Variants in AMOTL1 observed in about 807,000 individuals in gnomAD.
AMOTL1 encodes angiomotin like 1.
Under a neutral mutation model 102.9 loss-of-function variants are expected in AMOTL1, and 45 were observed. The ratio of observed to expected loss-of-function variants is 0.44; its 90% CI spans 0.34 to 0.56. The LOEUF is 0.56. AMOTL1 is among the 20% of genes least tolerant of loss of function. The pLI, the probability that AMOTL1 is intolerant of heterozygous loss-of-function variation, is 0.01. For synonymous variants in AMOTL1, 481 were observed against 484.7 expected, an observed-to-expected ratio of 0.99 and a Z score of 0.10; for missense variants, 1,114 against 1,225.6, an observed-to-expected ratio of 0.91 and a Z score of 1.36.
chr11:94,866,723 A>T (rs1337552866), intron 11 of AMOTL1: 7 of 161,522 alleles, frequency 4.3e-5, no homozygotes, highest in Non-Finnish European at 6.7e-5. Flanking sequence ...GAAGAATGGG[A>T]TAATGGGGGG....
intron 9 of AMOTL1, 51 bp downstream of exon 9, chr11:94,859,766 A>G: frequency 2.0e-6 from 3 of 1,508,890 alleles, no homozygotes; most frequent in Non-Finnish European, 2.7e-6. Flanking sequence ...AAAAAAATCA[A>G]AACAAAACAA....
chr11:94,709,049 C>T (rs1488310668), intron 1 of AMOTL1, among the ~76,000 whole-genome samples: 1 of 152,184 alleles, frequency 6.6e-6, no homozygotes, highest in Non-Finnish European at 1.5e-5. Context: ...ATGTGCAGAT[C>T]AGTGTTTAAA....
intron 3 of AMOTL1, among the ~76,000 whole-genome samples, chr11:94,817,328 C>T (rs1390029967): frequency 6.6e-5 from 10 of 151,964 alleles, no homozygotes; most frequent in Admixed American, 1.3e-4. Context: ...TTATATTTGA[C>T]ACACTTTCTG....
intron 2 of AMOTL1, among the ~76,000 whole-genome samples, chr11:94,732,203 G>A (rs1170868285): frequency 6.6e-6 from 1 of 152,162 alleles, no homozygotes; most frequent in Non-Finnish European, 1.5e-5. Context: ...CCAAACCTTG[G>A]GGTTTTGTTG....
chr11:94,769,097 C>T (rs1349429202), intron 1 of AMOTL1, among the ~76,000 whole-genome samples: 1 of 152,184 alleles, frequency 6.6e-6, no homozygotes, highest in African/African-American at 2.4e-5. Flanking sequence ...CAGCCCCAGA[C>T]GCTCGGATCG....
intron 3 of AMOTL1, among the ~76,000 whole-genome samples, chr11:94,800,576 G>T (rs1233036541): frequency 6.6e-6 from 1 of 152,190 alleles, no homozygotes; most frequent in African/African-American, 2.4e-5. Context: ...GTCCTTGGGA[G>T]CTCTGCCTAG....
At chr11:94,727,222 T>A (rs1950275442) in intron 1 of AMOTL1, among the ~76,000 whole-genome samples, 1 of 152,196 alleles carries the variant, frequency 6.6e-6, no homozygotes, top group Non-Finnish European at 1.5e-5. Context: ...CAAAGATTAA[T>A]GAAGTGATTT....
intron 6 of AMOTL1, among the ~76,000 whole-genome samples, chr11:94,835,240 A>C (rs1395741681): frequency 6.6e-6 from 1 of 152,226 alleles, no homozygotes; most frequent in Non-Finnish European, 1.5e-5. Flanking sequence ...CCTGAAAACC[A>C]GGGCCTCTAG....
At chr11:94,838,090 C>T (rs1180845812) in intron 6 of AMOTL1, among the ~76,000 whole-genome samples, 3 of 152,180 alleles carry the variant, frequency 2.0e-5, no homozygotes, top group Non-Finnish European at 4.4e-5. Flanking sequence ...TTTATATACT[C>T]CCCCAGCACT....
rs553561121 is a variant in AMOTL1, at chr11:94,750,363, C to G, written c.136+9375C>G. ...GACACTGGCTGTTGCTGCTGCTGCC[C>G]CTACTCACACCAGAACTTGGAGGCT... On this transcript the variant is annotated intron_variant, in intron 3 of 4. Coordinates refer to the AMOTL1 transcript ENST00000299004. Among the ~76,000 whole-genome samples, 8 of 152,306 alleles carry G rather than the reference C, an allele frequency of 5.3e-5. No individual in the cohort carries two copies. In the South Asian group the frequency reaches 1.7e-3, roughly 32 times the overall value.
intron 2 of AMOTL1, chr11:94,740,803 C>T: frequency 1.6e-6 from 1 of 644,836 alleles, no homozygotes; most frequent in Non-Finnish European, 2.4e-6. Flanking sequence ...CGCGGGGCCT[C>T]CGGCTCAGGG....
At chr11:94,746,706 C>T (rs919848687) in intron 3 of AMOTL1, among the ~76,000 whole-genome samples, 2 of 152,148 alleles carry the variant, frequency 1.3e-5, no homozygotes, top group African/African-American at 4.8e-5. Flanking sequence ...GTTCCCAATC[C>T]TGAATGATTA....
intron 7 of AMOTL1, among the ~76,000 whole-genome samples, chr11:94,851,623 G>A (rs1402549900): frequency 6.6e-6 from 1 of 152,164 alleles, no homozygotes; most frequent in Non-Finnish European, 1.5e-5. Flanking sequence ...TGGCTCTATG[G>A]CCTGTCAGCT....
At chr11:94,868,700 C>T (rs1198651888) in intron 11 of AMOTL1, among the ~76,000 whole-genome samples, 4 of 152,278 alleles carry the variant, frequency 2.6e-5, no homozygotes. Context: ...GGGAACATGT[C>T]TAGGACCGGG....
Position 94,875,912 on chromosome 11 carries a change from A to G in AMOTL1, c.*5117A>G, listed in dbSNP as rs1953087233. On this transcript the variant is annotated 3_prime_UTR_variant, in exon 13 of 13. Transcript: ENST00000433060. Reference sequence around the variant, plus strand: ...CAGATATAAGTGCATAATCATTCATATAAACATCTGGTAGGTATTCTGTAA... The same window carrying G: ...CAGATATAAGTGCATAATCATTCATGTAAACATCTGGTAGGTATTCTGTAA... 1 of 152,642 alleles carries G rather than the reference A, an allele frequency of 6.6e-6. No homozygotes were observed. The highest frequency in any genetic ancestry group is 2.1e-4 in the South Asian group (1 of 4,838). The allele number at this position is 152,642 out of a possible 1,614,324, so 9.5% of individuals were successfully genotyped here.
chr11:94,800,777 G>A (rs972868391), intron 3 of AMOTL1, among the ~76,000 whole-genome samples: 1 of 152,328 alleles, frequency 6.6e-6, no homozygotes, highest in African/African-American at 2.4e-5. Flanking sequence ...CTCAACAGAT[G>A]AGAAACTAAA....
chr11:94,805,022 C>G (rs536681251), intron 3 of AMOTL1, among the ~76,000 whole-genome samples: 1 of 152,332 alleles, frequency 6.6e-6, no homozygotes, highest in South Asian at 2.1e-4. Context: ...CTAACTTGAT[C>G]AAAGCCAGCA....
intron 1 of AMOTL1, among the ~76,000 whole-genome samples, chr11:94,724,518 A>G (rs1256590126): frequency 6.6e-6 from 1 of 152,146 alleles, no homozygotes. Context: ...AGTTGGACTA[A>G]AGGCCCTGAG....
intron 6 of AMOTL1, among the ~76,000 whole-genome samples, chr11:94,838,502 A>G (rs775175401): frequency 1.3e-5 from 2 of 152,210 alleles, no homozygotes; most frequent in Non-Finnish European, 1.5e-5. Flanking sequence ...TAGATGATCC[A>G]TAAACAAATG....
Sources: gnomAD v4.1 joint callset for allele counts (sites outside exome capture counted in the v4.1 genomes callset) on GRCh38, gnomAD v4.1.1 for gene constraint, MANE v1.5 for transcripts, NCBI Gene and HGNC (gene_info 2026-07-23, HGNC 2026-07-21) for gene names.